Variants in LRRC3B observed in about 807,000 individuals in gnomAD.
LRRC3B encodes the protein leucine rich repeat containing 3B.
A neutral mutation model predicts 12.8 loss-of-function variants in LRRC3B; 2 were observed. That is an observed-to-expected ratio of 0.16 (90% CI 0.06 to 0.49). The LOEUF (loss-of-function observed/expected upper bound fraction) is 0.49. Among genes scored for constraint, LRRC3B ranks in the 20% least tolerant of loss-of-function variants. The pLI, the probability that LRRC3B is intolerant of heterozygous loss-of-function variation, is 0.96. For missense variants in LRRC3B, 189 were observed against 319.4 expected (o/e 0.59, Z 3.11); for synonymous variants, 132 against 122.0 (o/e 1.08, Z -0.54).
At position 26,709,582 on chromosome 3, in the gene LRRC3B, A is replaced by T. The variant is rs1700696604; in HGVS notation, c.-91A>T. ...CTGCAGCCTTTTGAAACACGCAAGA[A>T]GGAAATCAATAGTGTGGACAGGGCT... On this transcript the variant is annotated 5_prime_UTR_variant, in exon 2 of 2. It adds an upstream start codon to the 5' untranslated region. Coordinates refer to ENST00000396641, the Ensembl canonical transcript of LRRC3B. 8 of 1,280,012 alleles carry T rather than the reference A, an allele frequency of 6.2e-6. No homozygotes were observed. The highest frequency in any genetic ancestry group is 8.8e-6 in the Non-Finnish European group (8 of 913,756). The allele number at this position is 1,280,012 out of a possible 1,614,324, so 79.3% of individuals were successfully genotyped here. A position where few individuals can be genotyped will look rare whatever the true frequency, so the allele number is the denominator to read the frequency against.
chr3:26,660,023 C>T (rs1575136191), intron 1 of LRRC3B, among the ~76,000 whole-genome samples: 1 of 152,188 alleles, frequency 6.6e-6, no homozygotes, highest in Non-Finnish European at 1.5e-5. Flanking sequence ...CCTCACTTTG[C>T]TTAGAGTTTT....
intron 1 of LRRC3B, among the ~76,000 whole-genome samples, chr3:26,669,514 C>T (rs761114173): frequency 1.7e-4 from 26 of 152,120 alleles, no homozygotes; most frequent in Non-Finnish European, 3.1e-4. Context: ...ATGAATATTA[C>T]CTTTTTAACC....
chr3:26,641,038 G>A (rs1699020317), intron 1 of LRRC3B, among the ~76,000 whole-genome samples: 1 of 152,154 alleles, frequency 6.6e-6, no homozygotes, highest in South Asian at 2.1e-4. Flanking sequence ...CAAAGGTCTG[G>A]CAGTGCACAA....
intron 1 of LRRC3B, among the ~76,000 whole-genome samples, chr3:26,683,249 G>A (rs1700006976): frequency 6.6e-6 from 1 of 152,228 alleles, no homozygotes. Flanking sequence ...TCCCATCAAG[G>A]AAGGAGACAG....
At position 26,657,127 on chromosome 3, in the gene LRRC3B, A is replaced by G. The variant is rs1699388329; in HGVS notation, c.-161+33890A>G. On this transcript the variant is annotated intron_variant, in intron 1 of 1. Transcript: ENST00000396641. Reference sequence around the variant, plus strand: ...GAGGTATATAAAATATTTGTTTTTAATATAATCACAGCTTTCTGCTTAAGA... The same window carrying G: ...GAGGTATATAAAATATTTGTTTTTAGTATAATCACAGCTTTCTGCTTAAGA... Among the ~76,000 whole-genome samples the G allele has an allele frequency of 3.9e-5, 6 of 152,342 alleles. No homozygotes were observed. In the South Asian group the frequency reaches 1.2e-3, roughly 32 times the overall value.
intron 1 of LRRC3B, among the ~76,000 whole-genome samples, chr3:26,704,656 TATCTCATAAGTAG>T (rs1700540808): frequency 6.6e-6 from 1 of 152,132 alleles, no homozygotes; most frequent in Non-Finnish European, 1.5e-5. Flanking sequence ...CACCTCAATC[TATCTCATAAGTAG>T]CAGGGACTAT....
At chr3:26,638,058 T>A (rs1237577272) in intron 1 of LRRC3B, among the ~76,000 whole-genome samples, 2 of 152,184 alleles carry the variant, frequency 1.3e-5, no homozygotes, top group Non-Finnish European at 2.9e-5. Flanking sequence ...CTTCTTTCCA[T>A]TGATGAAGAA....
chr3:26,707,534 T>G (rs957653440), intron 1 of LRRC3B, among the ~76,000 whole-genome samples: 29 of 152,282 alleles, frequency 1.9e-4, no homozygotes, highest in South Asian at 1.5e-3. Context: ...CCAAACTCCT[T>G]TAATGAATCC....
chr3:26,704,345 C>A (rs1700531044), intron 1 of LRRC3B, among the ~76,000 whole-genome samples: 2 of 152,040 alleles, frequency 1.3e-5, no homozygotes, highest in Non-Finnish European at 2.9e-5. Context: ...ACCATCAATC[C>A]TCTTATCAAG....
rs551741043 is a variant in LRRC3B, at chr3:26,657,313, C to T, written c.-161+34076C>T. Reference sequence around the variant, plus strand: ...ATGAGAGAACAGTCTGAATCACCTCCATGTTTGAAATTCTTAGCATTCCAG... The same window carrying T: ...ATGAGAGAACAGTCTGAATCACCTCTATGTTTGAAATTCTTAGCATTCCAG... On this transcript the variant is annotated intron_variant, in intron 1 of 1. Transcript: ENST00000396641. 6.6e-5 allele frequency among the ~76,000 whole-genome samples: 10 copies of T among 152,316 alleles called. No individual in the cohort carries two copies. In the East Asian group the frequency reaches 1.9e-3, roughly 29 times the overall value.
chr3:26,635,235 G>C lies in LRRC3B; in HGVS notation c.-161+11998G>C, dbSNP rs180910814. Reference sequence around the variant, plus strand: ...CAGTTTCTGGAGCCCTATCCCCTGAGCCACTGCAGGAGTCCCAGAGGAGCC... The same window carrying C: ...CAGTTTCTGGAGCCCTATCCCCTGACCCACTGCAGGAGTCCCAGAGGAGCC... On this transcript the variant is annotated intron_variant, in intron 1 of 1. Coordinates refer to ENST00000396641, the Ensembl canonical transcript of LRRC3B. 1.2e-4 allele frequency among the ~76,000 whole-genome samples: 19 copies of C among 152,234 alleles called. 1 individual carries two copies. In the East Asian group the frequency reaches 3.7e-3, roughly 30 times the overall value.
intron 1 of LRRC3B, among the ~76,000 whole-genome samples, chr3:26,670,293 C>A (rs1007547205): frequency 6.6e-6 from 1 of 152,202 alleles, no homozygotes; most frequent in Admixed American, 6.5e-5. Flanking sequence ...CAGACAGACA[C>A]ATTAGTAGTA....
At chr3:26,706,340 C>A (rs1700586244) in intron 1 of LRRC3B, among the ~76,000 whole-genome samples, 1 of 152,176 alleles carries the variant, frequency 6.6e-6, no homozygotes, top group Admixed American at 6.5e-5. Context: ...GGGCTCAGCT[C>A]TCTACATCCT....
At chr3:26,625,730 A>C (rs990806747) in intron 1 of LRRC3B, among the ~76,000 whole-genome samples, 7 of 152,180 alleles carry the variant, frequency 4.6e-5, no homozygotes, top group African/African-American at 1.7e-4. Context: ...TGTTCTGGGG[A>C]GACAAATAGT....
At chr3:26,653,770 C>G (rs56042302) in intron 1 of LRRC3B, among the ~76,000 whole-genome samples, 21,907 of 152,096 alleles carry the variant, frequency 0.14, 1,680 homozygotes, top group South Asian at 0.22. Context: ...CACTGTGAAC[C>G]GTTTGTTTCT....
At chr3:26,693,328 C>CAAAAAAAAA (rs71950080) in intron 1 of LRRC3B, among the ~76,000 whole-genome samples, 1 of 96,120 alleles carries the variant, frequency 1.0e-5, no homozygotes, top group Non-Finnish European at 2.6e-5. Flanking sequence ...AACTCCGTCT[C>CAAAAAAAAA]AAAAAAAAAA....
intron 1 of LRRC3B, chr3:26,701,127 AAATT>A (rs946305034): frequency 5.9e-5 from 9 of 152,200 alleles, no homozygotes; most frequent in African/African-American, 2.2e-4. Flanking sequence ...ACCAAAATAA[AAATT>A]AATCATGATC....
At chr3:26,686,441 A>G (rs1559367097) in intron 1 of LRRC3B, among the ~76,000 whole-genome samples, 2 of 152,134 alleles carry the variant, frequency 1.3e-5, no homozygotes, top group East Asian at 3.9e-4. Context: ...GCTTCTTTAT[A>G]TATCTAATTT....
chr3:26,676,682 G>T (rs909786269), intron 1 of LRRC3B, among the ~76,000 whole-genome samples: 17 of 152,128 alleles, frequency 1.1e-4, no homozygotes, highest in African/African-American at 1.2e-4. Flanking sequence ...TCAGTGTGGC[G>T]ATTCCTCAGG....
Sources: gnomAD v4.1 joint callset for allele counts (sites outside exome capture counted in the v4.1 genomes callset) on GRCh38, gnomAD v4.1.1 for gene constraint, MANE v1.5 for transcripts, NCBI Gene and HGNC (gene_info 2026-07-23, HGNC 2026-07-21) for gene names.